KIF1B: variants seen among roughly 807,000 people sequenced by gnomAD.
KIF1B encodes the protein kinesin family member 1B.
Under a neutral mutation model 241.9 loss-of-function variants are expected in KIF1B, and 76 were observed. The ratio of observed to expected loss-of-function variants is 0.31; its 90% CI spans 0.26 to 0.38. The LOEUF is 0.38. Among genes scored for constraint, KIF1B ranks in the 10% least tolerant of loss-of-function variants. The pLI, the probability that KIF1B is intolerant of heterozygous loss-of-function variation, is 1.00. For synonymous variants in KIF1B, 750 were observed against 796.7 expected, an observed-to-expected ratio of 0.94 and a Z score of 0.99; for missense variants, 1,622 against 2,271.4, an observed-to-expected ratio of 0.71 and a Z score of 5.81.
chr1:10,286,827 C>G (rs1443184580), intron 15 of KIF1B, among the ~76,000 whole-genome samples: 1 of 152,040 alleles, frequency 6.6e-6, no homozygotes, highest in Admixed American at 6.6e-5. Context: ...CCTGGTGTCC[C>G]TCTGTTTTTT....
intron 33 of KIF1B, 28 bp downstream of exon 33, chr1:10,342,196 G>C: frequency 7.4e-7 from 1 of 1,359,566 alleles, no homozygotes; most frequent in Non-Finnish European, 1.1e-6. Flanking sequence ...AAACATTTTT[G>C]ATGGTATTGT....
intron 32 of KIF1B, among the ~76,000 whole-genome samples, chr1:10,340,505 A>C (rs2102320305): frequency 6.6e-6 from 1 of 152,360 alleles, no homozygotes; most frequent in African/African-American, 2.4e-5. Context: ...ACCATAGATT[A>C]AGATAATCCC....
chr1:10,223,164 A>G (rs1023303009), intron 1 of KIF1B, among the ~76,000 whole-genome samples: 1 of 152,160 alleles, frequency 6.6e-6, no homozygotes, highest in African/African-American at 2.4e-5. Flanking sequence ...AGGCAGGAGA[A>G]TCGCTTGAAC....
chr1:10,334,740 G>T, intron 28 of KIF1B, 102 bp downstream of exon 28: 1 of 889,104 alleles, frequency 1.1e-6, no homozygotes, highest in East Asian at 2.5e-5. Flanking sequence ...TACAAACTGT[G>T]GGGAGTTTGT....
At chr1:10,367,449 A>C (rs1638607287) in intron 43 of KIF1B, among the ~76,000 whole-genome samples, 1 of 151,808 alleles carries the variant, frequency 6.6e-6, no homozygotes, top group South Asian at 2.1e-4. Context: ...CACGCCTGTA[A>C]TCCCAGCACT....
chr1:10,361,948 C>T, intron 40 of KIF1B, 123 bp downstream of exon 40: 1 of 1,120,334 alleles, frequency 8.9e-7, no homozygotes, highest in Non-Finnish European at 1.3e-6. Context: ...ATTTTGGTAA[C>T]TGACACCTGG....
chr1:10,231,849 G>A (rs537654319), intron 1 of KIF1B, among the ~76,000 whole-genome samples: 41 of 152,204 alleles, frequency 2.7e-4, no homozygotes, highest in African/African-American at 9.4e-4. Flanking sequence ...TTGTAGTTAC[G>A]TTTTTTATTA....
intron 2 of KIF1B, among the ~76,000 whole-genome samples, chr1:10,238,540 C>T (rs1238299214): frequency 1.3e-5 from 2 of 151,746 alleles, no homozygotes; most frequent in African/African-American, 4.8e-5. Flanking sequence ...CCTGTCTCTA[C>T]CAAAAATACA....
intron 40 of KIF1B, 48 bp downstream of exon 40, chr1:10,361,873 CAG>C: frequency 6.2e-7 from 1 of 1,601,998 alleles, no homozygotes. Flanking sequence ...TTCAGTACAA[CAG>C]AATCATTAGT....
At chr1:10,310,132 C>T (rs138985881) in intron 22 of KIF1B, among the ~76,000 whole-genome samples, 15 of 151,722 alleles carry the variant, frequency 9.9e-5, no homozygotes, top group African/African-American at 3.7e-4. Flanking sequence ...AGAATAAATG[C>T]CGTATCTGTC....
chr1:10,258,657 T>C lies in KIF1B; in HGVS notation c.348T>C (p.Ala116=), dbSNP rs1647936228. The C allele has an allele frequency of 1.3e-5, 21 of 1,614,158 alleles. No individual in the cohort carries two copies. Among genetic ancestry groups the C allele is most frequent in the Non-Finnish European group, 1.8e-5 (21 of 1,180,008 alleles). Residue 116 remains alanine (A), a synonymous_variant, in exon 4 of 49, where the codon GCT becomes GCC. Coordinates refer to ENST00000676179, the MANE Select transcript of KIF1B (RefSeq NM_001365951.3). ...TGGGTAAACAAGAAGAAAGCCAGGC[T>C]GGCATCATTCCACAGGTGAAAAACA... ...TMMGKQEESQ[A]GIIPQLCEEL...
At chr1:10,317,555 G>C (rs892198797) in intron 22 of KIF1B, among the ~76,000 whole-genome samples, 1 of 151,420 alleles carries the variant, frequency 6.6e-6, no homozygotes, top group Admixed American at 6.6e-5. Flanking sequence ...CCTGAGGCCA[G>C]GCGCACTGGC....
chr1:10,318,772 G>T (rs1411018492), intron 22 of KIF1B, among the ~76,000 whole-genome samples: 2 of 152,120 alleles, frequency 1.3e-5, no homozygotes, highest in African/African-American at 4.8e-5. Context: ...CTATGCTTAT[G>T]CTGTAATTTA....
At position 10,307,480 on chromosome 1, in the gene KIF1B, T is replaced by C. The variant is rs541274721; in HGVS notation, c.2115+10234T>C. 2.0e-5 allele frequency: 8 copies of C among 391,346 alleles called. No individual in the cohort carries two copies. In the East Asian group the frequency reaches 7.4e-4, roughly 36 times the overall value. The allele number at this position is 391,346 out of a possible 1,614,324, so 24.2% of individuals were successfully genotyped here. A position where few individuals can be genotyped will look rare whatever the true frequency, so the allele number is the denominator to read the frequency against. The stretch of plus-strand genomic sequence containing the variant: ...GCATGCCACCATGCCTGGCTAACTT[T>C]TGTATTTTTAGTAGAGACAGGGTTT... On this transcript the variant is annotated intron_variant, in intron 22 of 48. Coordinates refer to ENST00000676179, the MANE Select transcript of KIF1B (RefSeq NM_001365951.3).
intron 34 of KIF1B, among the ~76,000 whole-genome samples, chr1:10,343,875 C>G (rs1652491189): frequency 2.0e-5 from 3 of 152,332 alleles, no homozygotes; most frequent in South Asian, 2.1e-4. Flanking sequence ...GATAATCACT[C>G]TGTTCCTAAA....
At position 10,374,552 on chromosome 1, in the gene KIF1B, G is replaced by C. The variant is rs1638832692; in HGVS notation, c.5096+87G>C. On this transcript the variant is annotated intron_variant, in intron 46 of 48. Transcript: ENST00000676179. The surrounding 1 kb of genome is among the most constrained non-coding windows in gnomAD (Gnocchi z 4.3). ...TGGCCAGCTCTTCCCTGTGAGGTCT[G>C]TACTGTAGTCTGATGCAATCTGTAC... 1 of 1,442,296 alleles carries C rather than the reference G, an allele frequency of 6.9e-7. No homozygotes were observed. Among genetic ancestry groups the C allele is most frequent in the African/African-American group, 1.4e-5 (1 of 71,672 alleles). The allele number at this position is 1,442,296 out of a possible 1,614,324, so 89.3% of individuals were successfully genotyped here.
At position 10,321,845 on chromosome 1, in the gene KIF1B, A is replaced by C. The variant is rs760313336; in HGVS notation, c.2346A>C (p.Glu782Asp). Reference protein sequence around the residue: ...YLKEANAISVELKKKVQFQFV... With the variant: ...YLKEANAISVDLKKKVQFQFV... ...AGGAGGCCAATGCCATCAGTGTGGA[A>C]CTGAAAAAGAAGGTATGGAGCAGGA... The change falls in exon 24 of 49, where the codon GAA (glutamate) becomes GAC (aspartate). Residue 782 changes from glutamate to aspartate, a missense_variant. Around this residue, in one of 7 missense-constraint regions of KIF1B, gnomAD observed 803 missense variants for 1,112.0 expected, o/e 0.72. Coordinates refer to ENST00000676179, the MANE Select transcript of KIF1B (RefSeq NM_001365951.3). The C allele has an allele frequency of 1.9e-6, 3 of 1,614,150 alleles. No individual in the cohort carries two copies. The highest frequency in any genetic ancestry group is 2.5e-6 in the Non-Finnish European group (3 of 1,180,000).
At chr1:10,344,116 C>T (rs983771877) in intron 34 of KIF1B, among the ~76,000 whole-genome samples, 1 of 152,156 alleles carries the variant, frequency 6.6e-6, no homozygotes, top group Non-Finnish European at 1.5e-5. Flanking sequence ...TGAGCTGATT[C>T]GGTTTCTCGT....
intron 14 of KIF1B, 121 bp downstream of exon 14, chr1:10,279,259 A>G (rs373065201): frequency 1.8e-4 from 101 of 574,166 alleles, no homozygotes; most frequent in Admixed American, 3.8e-4. Context: ...CAGACAGAGC[A>G]TAGTATAGAA....
Sources: allele counts gnomAD v4.1 joint callset (sites outside exome capture counted in the v4.1 genomes callset), GRCh38; gene constraint gnomAD v4.1.1; regional missense constraint gnomAD v4.1.1; non-coding constraint Gnocchi (gnomAD v3.1); transcripts MANE v1.5; gene names NCBI Gene and HGNC (gene_info 2026-07-23, HGNC 2026-07-21).